The following SMG5 variants were observed in gnomAD, a reference collection of about 807,000 sequenced individuals.
SMG5 encodes nonsense-mediated mRNA decay factor SMG5.
A neutral mutation model predicts 122.9 loss-of-function variants in SMG5; 53 were observed. The ratio of observed to expected loss-of-function variants is 0.43; its 90% CI spans 0.35 to 0.54. The LOEUF is 0.54. SMG5 is among the 20% of genes least tolerant of loss of function. The pLI is 0.01. For synonymous variants in SMG5, 477 were observed against 490.2 expected, an observed-to-expected ratio of 0.97 and a Z score of 0.35; for missense variants, 1,153 against 1,285.6, an observed-to-expected ratio of 0.90 and a Z score of 1.58.
In SMG5 at chr1:156,267,540, G is replaced by C. The variant is rs748006816; in HGVS notation, c.1047C>G (p.Phe349Leu). The C allele has an allele frequency of 3.1e-6, 5 of 1,614,142 alleles. No homozygotes were observed. The highest frequency in any genetic ancestry group is 1.3e-5 in the African/African-American group (1 of 75,016). ...TTTGAAAGATGAGAAGGTCCGGGAG[G>C]AAAGCATATCCACTCTCATACTCCT... ...DEEEYESGYA[F>L]LPDLLIFQMV... The change falls in exon 10 of 22, where the codon TTC (phenylalanine) becomes TTG (leucine). Residue 349 changes from phenylalanine to leucine, a missense_variant. Phe to Leu is a conservative substitution (Grantham distance 22, BLOSUM62 0). Around this residue, in one of 5 missense-constraint regions of SMG5, gnomAD observed 631 missense variants for 650.6 expected, o/e 0.97. Transcript: ENST00000361813.
chr1:156,249,422 A>T lies in SMG5; in HGVS notation c.*1165T>A, dbSNP rs533999005. 1.7e-3 allele frequency: 527 copies of T among 307,564 alleles called. 4 individuals are homozygous for T. Among genetic ancestry groups the T allele is most frequent in the African/African-American group, 0.011 (512 of 45,780 alleles). The allele number at this position is 307,564 out of a possible 1,614,324, so 19.1% of individuals were successfully genotyped here. A position where few individuals can be genotyped will look rare whatever the true frequency, so the allele number is the denominator to read the frequency against. On this transcript the variant is annotated 3_prime_UTR_variant, in exon 22 of 22. Transcript: ENST00000361813. ...GGGGGCAGCAGAGCTGAGACCCTCC[A>T]CCCCGAGCCCCTAGCCTGTGCTATC...
At chr1:156,282,516 G>A in intron 1 of SMG5, 91 bp downstream of exon 1, 4 of 1,414,976 alleles carry the variant, frequency 2.8e-6, no homozygotes, top group Non-Finnish European at 3.8e-6. Context: ...ACCTCACCCC[G>A]ACACCCGGGC....
chr1:156,252,469 G>C lies in SMG5; in HGVS notation c.2698C>G (p.Pro900Ala), dbSNP rs765790107. Reference sequence around the variant, plus strand: ...TACCGAATCCCATCCCGGGCCCCTGGGTGTTCCTTCTTCAGCAAATCCAGG... The same window carrying C: ...TACCGAATCCCATCCCGGGCCCCTGCGTGTTCCTTCTTCAGCAAATCCAGG... ...DGLDLLKKEH[P>A]GARDGIRYLE... The change falls in exon 19 of 22, where the codon CCA becomes GCA. Residue 900 changes from proline to alanine, a missense_variant. By Grantham distance (27) the Pro-to-Ala change is conservative. Coordinates refer to ENST00000361813, the MANE Select transcript of SMG5 (RefSeq NM_015327.3). 6.2e-7 allele frequency: 1 copy of C among 1,614,054 alleles called. No homozygotes were observed. Among genetic ancestry groups the C allele is most frequent in the Non-Finnish European group, 8.5e-7 (1 of 1,180,022 alleles).
chr1:156,286,528 G>C (rs1366981930), upstream of SMG5: 7 of 1,574,366 alleles, frequency 4.4e-6, no homozygotes, highest in Non-Finnish European at 5.2e-6. Context: ...AGAGAACCTA[G>C]GCATCTGAAT....
At chr1:156,257,649 T>C (rs1201256011) in intron 16 of SMG5, among the ~76,000 whole-genome samples, 1 of 152,222 alleles carries the variant, frequency 6.6e-6, no homozygotes, top group East Asian at 1.9e-4. Context: ...AATAAAAGCC[T>C]TAACAAAGGT....
upstream of SMG5, among the ~76,000 whole-genome samples, chr1:156,287,479 C>G (rs1306067764): frequency 6.6e-6 from 1 of 151,982 alleles, no homozygotes; most frequent in Non-Finnish European, 1.5e-5. Context: ...GTTGGGGGGC[C>G]TGGTTGAGGG....
upstream of SMG5, chr1:156,286,022 C>T (rs1194047897): frequency 1.0e-5 from 16 of 1,572,528 alleles, 1 homozygote; most frequent in Admixed American, 1.6e-4. Flanking sequence ...GGGAAGTGGA[C>T]TTGAGGAGGG....
Position 156,273,370 on chromosome 1 carries a change from G to T in SMG5, c.625C>A (p.Pro209Thr), listed in dbSNP as rs1368046208. 6.2e-7 allele frequency: 1 copy of T among 1,613,540 alleles called. No individual in the cohort carries two copies. Among genetic ancestry groups the T allele is most frequent in the South Asian group, 1.1e-5 (1 of 91,038 alleles). Residue 209 changes from proline (P) to threonine (T), a missense_variant, in exon 6 of 22, where the codon CCT (proline) becomes ACT (threonine). By Grantham distance (38) the Pro-to-Thr change is conservative (BLOSUM62 -1). This residue lies in a region of SMG5 where 85 missense variants were observed against 127.3 expected (regional missense o/e 0.67). Coordinates refer to ENST00000361813, the MANE Select transcript of SMG5 (RefSeq NM_015327.3). ...RFYYQALSVA[P>T]QIGMPFNQLG... ...GTTGGGGACAACTTACCAATCTGAG[G>T]AGCTACTGACAGGGCTTGGTAGTAA...
chr1:156,250,645 G>A lies in SMG5; in HGVS notation c.2993C>T (p.Ala998Val). ...CAGAACATTCTTGATGTCCACACTG[G>A]CGTGGGCAGCGGCCTGCAGGGCTGC... is the stretch of plus-strand genomic sequence containing the variant. ...MQAALQAAAH[A>V]SVDIKNVLDF... Residue 998 changes from alanine (A) to valine (V), a missense_variant, in exon 22 of 22, where the codon GCC (alanine) becomes GTC (valine). Ala to Val is a moderately conservative substitution (Grantham distance 64). Coordinates refer to ENST00000361813, the MANE Select transcript of SMG5 (RefSeq NM_015327.3). The A allele has an allele frequency of 1.2e-6, 2 of 1,614,206 alleles. No individual in the cohort carries two copies. Among genetic ancestry groups the A allele is most frequent in the Non-Finnish European group, 1.7e-6 (2 of 1,180,036 alleles).
At chr1:156,288,072 G>C in the SMG5 span, among the ~76,000 whole-genome samples, 2 of 151,816 alleles carry the variant, frequency 1.3e-5, no homozygotes, top group Admixed American at 1.3e-4. Flanking sequence ...AAAATTAGCC[G>C]GGTGCGGTGG....
At chr1:156,263,932 G>A (rs1396068275) in intron 12 of SMG5, among the ~76,000 whole-genome samples, 3 of 152,142 alleles carry the variant, frequency 2.0e-5, no homozygotes, top group African/African-American at 7.2e-5. Context: ...CAGTTAGAGG[G>A]GAGCTATAAG....
chr1:156,250,539 G>A lies in SMG5; in HGVS notation c.*48C>T, dbSNP rs1273286516. ...GTGCTGGTCCTGGCTGCCAGGGAGG[G>A]CAGGAGAGATCTGGAGTCAGCCCCA... On this transcript the variant is annotated 3_prime_UTR_variant, in exon 22 of 22. Coordinates refer to ENST00000361813, the MANE Select transcript of SMG5 (RefSeq NM_015327.3). 6 of 1,536,228 alleles carry A rather than the reference G, an allele frequency of 3.9e-6. No homozygotes were observed. In the Admixed American group the frequency reaches 1.0e-4, roughly 26 times the overall value.
chr1:156,287,884 C>T, the SMG5 span, among the ~76,000 whole-genome samples: 1 of 152,026 alleles, frequency 6.6e-6, no homozygotes, highest in Admixed American at 6.5e-5. Flanking sequence ...TCCCAAAGTA[C>T]TGGGATTACA....
chr1:156,282,910 T>A, upstream of SMG5: 7 of 543,644 alleles, frequency 1.3e-5, no homozygotes, highest in Non-Finnish European at 2.3e-5. Context: ...CTCGCGAAAC[T>A]CGTTTTCCCT....
In SMG5 at chr1:156,266,615, T is replaced by A; in HGVS notation, c.1181A>T (p.His394Leu). ...TLALFSHLVN[H>L]VNIRLQAELE... The stretch of plus-strand genomic sequence containing the variant: ...CTCAGCCTGCAGCCGTATGTTGACA[T>A]GATTGACGAGGTGGGAAAAGAGGGC... The change falls in exon 11 of 22, where the codon CAT becomes CTT. Residue 394 changes from histidine (H) to leucine (L), a missense_variant. This residue lies in a region of SMG5 where 631 missense variants were observed against 650.6 expected (regional missense o/e 0.97). Coordinates refer to ENST00000361813, the MANE Select transcript of SMG5 (RefSeq NM_015327.3). 1 of 1,614,140 alleles carries A rather than the reference T, an allele frequency of 6.2e-7. No homozygotes were observed. Among genetic ancestry groups the A allele is most frequent in the Non-Finnish European group, 8.5e-7 (1 of 1,180,038 alleles).
At chr1:156,268,477 G>T in intron 7 of SMG5, 62 bp from the exon 8 acceptor site, 1 of 1,586,614 alleles carries the variant, frequency 6.3e-7, no homozygotes, top group Non-Finnish European at 8.6e-7. Context: ...ACTCTGCTGG[G>T]GCTTTAGGAA....
rs759492937 is a variant in SMG5, at chr1:156,259,114, C to T, written c.2333G>A (p.Arg778His). The change falls in exon 16 of 22, where the codon CGC (arginine) becomes CAC (histidine). Residue 778 changes from arginine (R) to histidine (H), a missense_variant. By Grantham distance (29) the Arg-to-His change is conservative. Around this residue, in one of 5 missense-constraint regions of SMG5, gnomAD observed 140 missense variants for 227.8 expected, o/e 0.61. Coordinates refer to ENST00000361813, the MANE Select transcript of SMG5 (RefSeq NM_015327.3). ...GAACTGCAGGATGCTGCCTTGCAGG[C>T]GGGCGATGAAATGACCAAAGCTGCG... ...CIRSFGHFIA[R>H]LQGSILQFNP... 3.0e-5 allele frequency: 48 copies of T among 1,607,630 alleles called. No homozygotes were observed. Among genetic ancestry groups the T allele is most frequent in the Middle Eastern group, 3.3e-4 (2 of 6,038 alleles).
chr1:156,255,713 A>C (rs975141074), intron 16 of SMG5, among the ~76,000 whole-genome samples: 4 of 152,010 alleles, frequency 2.6e-5, no homozygotes, highest in Non-Finnish European at 5.9e-5. Context: ...TAGCAAGATC[A>C]CATTTCTACA....
At position 156,271,820 on chromosome 1, in the gene SMG5, G is replaced by A. The variant is rs182142073; in HGVS notation, c.713+500C>T. Reference sequence around the variant, plus strand: ...GTTGGCCAGGCTGGTCCTGAACTCCGAACCTCAGGTGATCTGCCTGCCTTG... The same window carrying A: ...GTTGGCCAGGCTGGTCCTGAACTCCAAACCTCAGGTGATCTGCCTGCCTTG... On this transcript the variant is annotated intron_variant, in intron 7 of 21. Transcript: ENST00000361813. Among the ~76,000 whole-genome samples, 550 of 151,986 alleles carry A rather than the reference G, an allele frequency of 3.6e-3. 2 individuals are homozygous for A. The highest frequency in any genetic ancestry group is 6.2e-3 in the Non-Finnish European group (422 of 67,948).
Sources: gnomAD v4.1 joint callset for allele counts (sites outside exome capture counted in the v4.1 genomes callset) on GRCh38, gnomAD v4.1.1 for gene constraint, gnomAD v4.1.1 regional missense constraint, MANE v1.5 for transcripts, NCBI Gene and HGNC (gene_info 2026-07-23, HGNC 2026-07-21) for gene names.